The following ABCA12 variants were observed in gnomAD, a reference collection of about 807,000 sequenced individuals.
ABCA12 encodes the protein ATP binding cassette subfamily A member 12, also known as glucosylceramide transporter ABCA12.
ABCA12 carries 156 observed loss-of-function variants against 293.5 expected under a neutral mutation model. That is an observed-to-expected ratio of 0.53 (90% CI 0.47 to 0.61). ABCA12 has a LOEUF of 0.61. Ranked by LOEUF, ABCA12 falls within the 20% of genes least tolerant of loss-of-function variation. The pLI, the probability that ABCA12 is intolerant of heterozygous loss-of-function variation, is 0.00. For synonymous variants in ABCA12, 1,063 were observed against 1,108.0 expected (o/e 0.96, Z 0.81); for missense variants, 2,797 against 3,090.2 (o/e 0.91, Z 2.25).
At chr2:215,062,507 C>A (rs758565433) in intron 3 of ABCA12, among the ~76,000 whole-genome samples, 2 of 151,980 alleles carry the variant, frequency 1.3e-5, no homozygotes, top group African/African-American at 2.4e-5. Context: ...ACACACAATG[C>A]GAATCCCCTT....
rs1699863339 is a variant in ABCA12 at position 214,989,356 on chromosome 2, C to A, written c.3802G>T (p.Ala1268Ser). ...LADSFIYFLI[A>S]WYVRNVFPGT... ...GGGAAGACATTCCTGACATACCAAGCAATAAGGAAATAAATGAAAGAGTCA... is the reference window on the plus strand; with the variant it reads ...GGGAAGACATTCCTGACATACCAAGAAATAAGGAAATAAATGAAAGAGTCA... Residue 1268 changes from alanine (A) to serine (S), a missense_variant, in exon 26 of 53, where the codon GCT becomes TCT. Physicochemically the swap from Ala to Ser is moderately conservative, Grantham distance 99. Transcript: ENST00000272895. The A allele has an allele frequency of 6.2e-7, 1 of 1,612,922 alleles. No homozygotes were observed. The highest frequency in any genetic ancestry group is 8.5e-7 in the Non-Finnish European group (1 of 1,179,804).
At chr2:215,016,582 CAAAAAAAAAAAAAAAAAA>C (rs71041981) in intron 14 of ABCA12, among the ~76,000 whole-genome samples, 5 of 29,944 alleles carry the variant, frequency 1.7e-4, no homozygotes, top group East Asian at 9.7e-4. Context: ...GACTCTGTCT[CAAAAAAAAAAAAAAAAAA>C]AAAAAAAAAA....
At chr2:215,122,872 CTTCT>C (rs1702837209) in intron 1 of ABCA12, among the ~76,000 whole-genome samples, 2 of 152,110 alleles carry the variant, frequency 1.3e-5, no homozygotes, top group Non-Finnish European at 2.9e-5. Context: ...GAGGACTAGG[CTTCT>C]AGTGTGCCCG....
chr2:215,060,949 A>AACT (rs1559172533), intron 3 of ABCA12, among the ~76,000 whole-genome samples: 2 of 151,270 alleles, frequency 1.3e-5, no homozygotes, highest in African/African-American at 4.9e-5. Flanking sequence ...TCCACAGAGG[A>AACT]AACTGCCCCC....
intron 3 of ABCA12, among the ~76,000 whole-genome samples, chr2:215,062,269 A>G (rs1401970205): frequency 6.6e-6 from 1 of 152,016 alleles, no homozygotes; most frequent in African/African-American, 2.4e-5. Context: ...CATAGAGACC[A>G]TCAACATTGG....
At chr2:214,933,002 T>C (rs1378395499) in intron 52 of ABCA12, among the ~76,000 whole-genome samples, 1 of 152,140 alleles carries the variant, frequency 6.6e-6, no homozygotes, top group Admixed American at 6.6e-5. Flanking sequence ...TTTATAATCA[T>C]GTCAATCTTA....
Position 215,025,805 on chromosome 2 carries a change from T to C in ABCA12, c.1181-26A>G, listed in dbSNP as rs1700732685. The C allele has an allele frequency of 2.0e-6, 3 of 1,507,952 alleles. No individual in the cohort carries two copies. In the African/African-American group the frequency reaches 4.1e-5, roughly 21 times the overall value. The allele number at this position is 1,507,952 out of a possible 1,614,324, so 93.4% of individuals were successfully genotyped here. A position where few individuals can be genotyped will look rare whatever the true frequency, so the allele number is the denominator to read the frequency against. ...CTGTAAAGGAAGGGAGAAGAGTTACTTTATGTGAATTGCAAGGTCATTTAG... is the reference window on the plus strand; with the variant it reads ...CTGTAAAGGAAGGGAGAAGAGTTACCTTATGTGAATTGCAAGGTCATTTAG... On this transcript the variant is annotated intron_variant, in intron 10 of 52. Coordinates refer to ENST00000272895, the MANE Select transcript of ABCA12 (RefSeq NM_173076.3).
chr2:215,026,967 T>C, intron 9 of ABCA12, 29 bp from the exon 10 acceptor site: 1 of 1,473,342 alleles, frequency 6.8e-7, no homozygotes, highest in Non-Finnish European at 9.5e-7. Context: ...ATATAGAAAT[T>C]AAGACATATA....
chr2:214,939,052 T>G (rs1371320093), intron 50 of ABCA12, among the ~76,000 whole-genome samples: 2 of 152,230 alleles, frequency 1.3e-5, no homozygotes, highest in Non-Finnish European at 2.9e-5. Flanking sequence ...TCTTGAATGG[T>G]ATTGCCTAGA....
chr2:215,134,529 T>TATATATACGC (rs1559214165), intron 1 of ABCA12, among the ~76,000 whole-genome samples: 5 of 114,034 alleles, frequency 4.4e-5, no homozygotes, highest in African/African-American at 1.8e-4. Context: ...TATATATACG[T>TATATATACGC]ATATATGTAC....
intron 5 of ABCA12, among the ~76,000 whole-genome samples, chr2:215,052,062 A>G (rs923511792): frequency 1.3e-5 from 2 of 152,162 alleles, no homozygotes; most frequent in Non-Finnish European, 2.9e-5. Flanking sequence ...AAATACGCTA[A>G]GAAAAAGGAT....
intron 39 of ABCA12, chr2:214,962,933 A>G (rs1699152877): frequency 6.6e-6 from 1 of 152,166 alleles, no homozygotes; most frequent in Non-Finnish European, 1.5e-5. Context: ...TAAGAGGGAA[A>G]TTTATAGCAC....
chr2:215,015,732 T>C, intron 14 of ABCA12, 69 bp from the exon 15 acceptor site: 1 of 1,454,748 alleles, frequency 6.9e-7, no homozygotes, highest in Non-Finnish European at 9.6e-7. Context: ...TTTTGTGAGG[T>C]TTTCTGTATA....
At chr2:215,044,189 C>T (rs115561606) in intron 7 of ABCA12, among the ~76,000 whole-genome samples, 3,677 of 152,156 alleles carry the variant, frequency 0.024, 159 homozygotes, top group African/African-American at 0.084. Flanking sequence ...GAGTAGAATG[C>T]AGCCTCATAC....
At chr2:215,083,478 C>T (rs1369070725) in intron 2 of ABCA12, among the ~76,000 whole-genome samples, 1 of 152,110 alleles carries the variant, frequency 6.6e-6, no homozygotes, top group Non-Finnish European at 1.5e-5. Flanking sequence ...GGTTTTAGAG[C>T]ATTGATTGCA....
At chr2:215,007,921 G>A (rs962637796) in intron 18 of ABCA12, 75 bp from the exon 19 acceptor site, 7 of 1,572,572 alleles carry the variant, frequency 4.5e-6, no homozygotes, top group African/African-American at 1.4e-5. Context: ...TCTTAAGATT[G>A]TTTTGTTACG....
At position 215,007,770 on chromosome 2, in the gene ABCA12, A is replaced by T. The variant is rs758206587; in HGVS notation, c.2549T>A (p.Met850Lys). The change falls in exon 19 of 53, where the codon ATG becomes AAG. Residue 850 changes from methionine to lysine, a missense_variant. Physicochemically the swap from Met to Lys is moderately conservative, Grantham distance 95 (BLOSUM62 -1). This residue lies in a region of ABCA12 where 2,130 missense variants were observed against 2,427.0 expected (regional missense o/e 0.88). Transcript: ENST00000272895. ...CTGGTTTAACAGATGGAAGGAATTC[A>T]TGAAAAGTGGCGACTTATCCATCCA... ...QEWMDKSPLF[M>K]NSFHLLNQAI... The T allele has an allele frequency of 1.6e-5, 26 of 1,613,966 alleles. No individual in the cohort carries two copies. The highest frequency in any genetic ancestry group is 5.0e-5 in the Admixed American group (3 of 60,008).
intron 18 of ABCA12, among the ~76,000 whole-genome samples, chr2:215,008,533 G>A (rs1431677164): frequency 6.6e-5 from 10 of 151,908 alleles, no homozygotes; most frequent in Non-Finnish European, 1.3e-4. Flanking sequence ...TATTGAGTTG[G>A]AAAAATTTTC....
intron 13 of ABCA12, 143 bp from the exon 14 acceptor site, chr2:215,018,275 G>T: frequency 2.1e-6 from 2 of 933,364 alleles, no homozygotes; most frequent in East Asian, 2.7e-5. Context: ...GGCAAACGTT[G>T]CATATTTAGG....
Sources: allele counts gnomAD v4.1 joint callset (sites outside exome capture counted in the v4.1 genomes callset), GRCh38; gene constraint gnomAD v4.1.1; regional missense constraint gnomAD v4.1.1; transcripts MANE v1.5; gene names NCBI Gene and HGNC (gene_info 2026-07-23, HGNC 2026-07-21).